Variants in GAL3ST1 observed in about 807,000 individuals in gnomAD.
GAL3ST1 encodes galactosylceramide sulfotransferase.
Under a neutral mutation model 25.0 loss-of-function variants are expected in GAL3ST1, and 13 were observed. The observed-to-expected ratio is 0.52, with a 90% CI of 0.34 to 0.83. GAL3ST1 has a LOEUF of 0.83. GAL3ST1 is among the 40% of genes least tolerant of loss of function. The probability of loss-of-function intolerance (pLI) is 0.02; values close to 1 mark genes in which losing one functional copy is unlikely to be tolerated. For synonymous variants in GAL3ST1, 274 were observed against 277.8 expected (o/e 0.99, Z 0.14); for missense variants, 474 against 613.6 (o/e 0.77, Z 2.40).
At chr22:30,557,020 T>G (rs539103701) in intron 3 of GAL3ST1, among the ~76,000 whole-genome samples, 1 of 152,214 alleles carries the variant, frequency 6.6e-6, no homozygotes, top group African/African-American at 2.4e-5. Flanking sequence ...CAGGCGTGAG[T>G]TGCCGTGCCC....
chr22:30,565,736 G>A (rs2086600499), intron 1 of GAL3ST1, among the ~76,000 whole-genome samples: 1 of 152,140 alleles, frequency 6.6e-6, no homozygotes, highest in Non-Finnish European at 1.5e-5. Context: ...AGTTCTAGGT[G>A]CCCTGGCCCT....
chr22:30,563,463 A>C (rs1263741544), intron 1 of GAL3ST1, among the ~76,000 whole-genome samples: 2 of 152,080 alleles, frequency 1.3e-5, no homozygotes, highest in Non-Finnish European at 2.9e-5. Context: ...AAAAAATACA[A>C]AAATTAGCCA....
chr22:30,572,249 T>A (rs1020452594), intron 1 of GAL3ST1, among the ~76,000 whole-genome samples: 1 of 152,252 alleles, frequency 6.6e-6, no homozygotes, highest in East Asian at 1.9e-4. Flanking sequence ...AGGATTCTTA[T>A]GCGCTTATTT....
chr22:30,557,403 T>C lies in GAL3ST1; in HGVS notation c.-9-2A>G. On this transcript the variant is annotated splice_acceptor_variant, in intron 2 of 3. Coordinates refer to ENST00000406361, the MANE Select transcript of GAL3ST1 (RefSeq NM_001318104.2). LOFTEE classifies it low-confidence loss of function (5UTR_SPLICE). ...CTGCGGTGGCAGCATCTCAGACACCTGCAGGGGCAGCACAGAGTAGGGCAA... is the reference window on the plus strand; with the variant it reads ...CTGCGGTGGCAGCATCTCAGACACCCGCAGGGGCAGCACAGAGTAGGGCAA... The C allele has an allele frequency of 4.3e-6, 7 of 1,614,064 alleles. No homozygotes were observed. Among genetic ancestry groups the C allele is most frequent in the Non-Finnish European group, 5.9e-6 (7 of 1,180,000 alleles).
Position 30,555,223 on chromosome 22 carries a change from C to G in GAL3ST1, c.1002G>C (p.Leu334=). The G allele has an allele frequency of 1.3e-6, 2 of 1,598,966 alleles. No individual in the cohort carries two copies. Among genetic ancestry groups the G allele is most frequent in the South Asian group, 2.2e-5 (2 of 90,698 alleles). Reference sequence around the variant, plus strand: ...TCCGCATGCGCTCGTTGGCATGGCGCAGGGCGGCCACCTCGCGGGCCATGC... The same window carrying G: ...TCCGCATGCGCTCGTTGGCATGGCGGAGGGCGGCCACCTCGCGGGCCATGC... ...RERMAREVAA[L]RHANERMRTI... is the part of the protein sequence containing the mutation. Residue 334 remains leucine, a synonymous_variant, in exon 4 of 4, where the codon CTG becomes CTC. Coordinates refer to ENST00000406361, the MANE Select transcript of GAL3ST1 (RefSeq NM_001318104.2). The surrounding 1 kb of genome is among the most constrained non-coding windows in gnomAD (Gnocchi z 8.6).
At position 30,555,771 on chromosome 22, in the gene GAL3ST1, G is replaced by A; in HGVS notation, c.454C>T (p.Leu152=). The A allele has an allele frequency of 1.2e-6, 2 of 1,614,168 alleles. No individual in the cohort carries two copies. The highest frequency in any genetic ancestry group is 8.5e-7 in the Non-Finnish European group (1 of 1,180,034). Residue 152 remains leucine, a synonymous_variant, in exon 4 of 4, where the codon CTG becomes TTG. Coordinates refer to ENST00000406361, the MANE Select transcript of GAL3ST1 (RefSeq NM_001318104.2). This position sits in a 1 kb window ranked among gnomAD's most constrained non-coding sequence, Gnocchi z 8.6. ...ATGAAGATGGCGTTGGTCGGCACCA[G>A]GCCGCGCACCTCGTCGTAGTGGAAG... The part of the protein sequence containing the change: ...MRFHYDEVRG[L]VPTNAIFITV...
chr22:30,560,085 G>A (rs557291738), intron 1 of GAL3ST1, among the ~76,000 whole-genome samples: 2 of 152,282 alleles, frequency 1.3e-5, no homozygotes, highest in African/African-American at 2.4e-5. Flanking sequence ...AGAGGTTACC[G>A]TGAGCCAAGG....
chr22:30,557,583 C>A, intron 2 of GAL3ST1, 182 bp from the exon 3 acceptor site: 1 of 598,622 alleles, frequency 1.7e-6, no homozygotes, highest in Non-Finnish European at 2.9e-6. Context: ...AGAGACAGCC[C>A]CAGGGTTGCA....
chr22:30,568,324 G>T (rs2086683979), intron 1 of GAL3ST1, among the ~76,000 whole-genome samples: 1 of 152,128 alleles, frequency 6.6e-6, no homozygotes, highest in South Asian at 2.1e-4. Flanking sequence ...TTTCCCATGC[G>T]CCCTTGCAGT....
rs80102388 is a variant in GAL3ST1, at chr22:30,564,840, G to C, written c.-119-6452C>G. On this transcript the variant is annotated intron_variant, in intron 1 of 3. Transcript: ENST00000406361. The stretch of plus-strand genomic sequence containing the variant: ...ACACACTCACCTCGGGCTGTGGCTG[G>C]CTGCCCCTTTCTACCCACTGCCTGA... The C allele has an allele frequency of 0.013, 1,977 of 152,376 alleles. 81 individuals are homozygous for C. In the East Asian group the frequency reaches 0.18, roughly 14 times the overall value. The allele number at this position is 152,376 out of a possible 1,614,324, so 9.4% of individuals were successfully genotyped here.
At chr22:30,566,899 A>G (rs42937) in intron 1 of GAL3ST1, among the ~76,000 whole-genome samples, 102,639 of 151,574 alleles carry the variant, frequency 0.68, 34,816 homozygotes, top group Middle Eastern at 0.74. Flanking sequence ...GTGAGCCACC[A>G]CGCCCAGCCG....
At chr22:30,571,414 C>A (rs1320287278) in intron 1 of GAL3ST1, among the ~76,000 whole-genome samples, 1 of 152,182 alleles carries the variant, frequency 6.6e-6, no homozygotes, top group Non-Finnish European at 1.5e-5. Context: ...GGACCACTTC[C>A]AAAATGTCAG....
intron 1 of GAL3ST1, among the ~76,000 whole-genome samples, chr22:30,559,334 C>T (rs42928): frequency 0.7 from 105,565 of 151,796 alleles, 36,942 homozygotes; most frequent in East Asian, 0.76. Context: ...TTTGACTCCC[C>T]GGTTCAAGCG....
chr22:30,573,965 T>G (rs1355473727), intron 1 of GAL3ST1, among the ~76,000 whole-genome samples: 6 of 152,200 alleles, frequency 3.9e-5, no homozygotes, highest in Admixed American at 2.6e-4. Flanking sequence ...CTTTGCTTCC[T>G]CTGGGGTACA....
chr22:30,570,070 T>A (rs1266689264), intron 1 of GAL3ST1, among the ~76,000 whole-genome samples: 1 of 152,114 alleles, frequency 6.6e-6, no homozygotes, highest in Non-Finnish European at 1.5e-5. Context: ...GGCAACAGTG[T>A]GAGACCCCAT....
At position 30,555,235 on chromosome 22, in the gene GAL3ST1, C is replaced by T. The variant is rs370859066; in HGVS notation, c.990G>A (p.Glu330=). ...EAFGRERMAR[E]VAALRHANER... is the part of the protein sequence containing the mutation. ...CGTTGGCATGGCGCAGGGCGGCCAC[C>T]TCGCGGGCCATGCGCTCCCGCCCGA... is the stretch of plus-strand genomic sequence containing the variant. The change falls in exon 4 of 4, where the codon GAG becomes GAA. Residue 330 remains glutamate (E), a synonymous_variant. Coordinates refer to ENST00000406361, the MANE Select transcript of GAL3ST1 (RefSeq NM_001318104.2). The surrounding 1 kb of genome is among the most constrained non-coding windows in gnomAD (Gnocchi z 8.6). 17 of 1,598,870 alleles carry T rather than the reference C, an allele frequency of 1.1e-5. No individual in the cohort carries two copies. Among genetic ancestry groups the T allele is most frequent in the Non-Finnish European group, 1.4e-5 (16 of 1,175,766 alleles).
At chr22:30,565,372 C>T (rs999826956) in intron 1 of GAL3ST1, among the ~76,000 whole-genome samples, 2 of 152,204 alleles carry the variant, frequency 1.3e-5, no homozygotes, top group Admixed American at 6.5e-5. Context: ...CCCAAGGTCA[C>T]GCAGCTAGTA....
chr22:30,555,125 G>A lies in GAL3ST1; in HGVS notation c.1100C>T (p.Pro367Leu). The change falls in exon 4 of 4, where the codon CCG becomes CTG. Residue 367 changes from proline (P) to leucine (L), a missense_variant. Transcript: ENST00000406361. The surrounding 1 kb of genome is among the most constrained non-coding windows in gnomAD (Gnocchi z 8.6). Reference sequence around the variant, plus strand: ...GCCCAGGATGGACTTGGTGCCCAGCGGCTGCCAGGGCTGCATGGCCTCGTC... The same window carrying A: ...GCCCAGGATGGACTTGGTGCCCAGCAGCTGCCAGGGCTGCATGGCCTCGTC... ...IQDEAMQPWQPLGTKSILGYN... is the reference protein window; with the variant it reads ...IQDEAMQPWQLLGTKSILGYN... 1 of 1,611,036 alleles carries A rather than the reference G, an allele frequency of 6.2e-7. No individual in the cohort carries two copies. Among genetic ancestry groups the A allele is most frequent in the Non-Finnish European group, 8.5e-7 (1 of 1,179,418 alleles).
chr22:30,574,571 C>T lies in GAL3ST1; in HGVS notation c.-225G>A, dbSNP rs2086853310. 6.8e-6 allele frequency: 1 copy of T among 146,842 alleles called. No homozygotes were observed. The highest frequency in any genetic ancestry group is 1.8e-4 in the South Asian group (1 of 5,490). The allele number at this position is 146,842 out of a possible 1,614,324, so 9.1% of individuals were successfully genotyped here. On this transcript the variant is annotated 5_prime_UTR_variant, in exon 1 of 4. In the 5' UTR this introduces an upstream ATG that the reference lacks. Transcript: ENST00000406361. Reference sequence around the variant, plus strand: ...GCACCCGGCCGGGCCCCCCGCTCCACCAGGCCTGGTCCATGCCCCCGCCCC... The same window carrying T: ...GCACCCGGCCGGGCCCCCCGCTCCATCAGGCCTGGTCCATGCCCCCGCCCC...
Sources: allele counts gnomAD v4.1 joint callset (sites outside exome capture counted in the v4.1 genomes callset), GRCh38; gene constraint gnomAD v4.1.1; non-coding constraint Gnocchi (gnomAD v3.1); transcripts MANE v1.5; gene names NCBI Gene and HGNC (gene_info 2026-07-23, HGNC 2026-07-21).